Variants in ZDHHC17 observed in about 807,000 individuals in gnomAD.
The protein encoded by ZDHHC17 is palmitoyltransferase ZDHHC17.
Under a neutral mutation model 90.3 loss-of-function variants are expected in ZDHHC17, and 40 were observed. The ratio of observed to expected loss-of-function variants is 0.44; its 90% CI spans 0.34 to 0.58. The LOEUF is 0.58. Among genes scored for constraint, ZDHHC17 ranks in the 20% least tolerant of loss-of-function variants. The pLI is 0.01. For missense variants in ZDHHC17, 614 were observed against 780.8 expected (o/e 0.79, Z 2.55); for synonymous variants, 235 against 252.4 (o/e 0.93, Z 0.65).
chr12:76,796,923 A>C (rs1278925982), intron 1 of ZDHHC17, among the ~76,000 whole-genome samples: 1 of 152,192 alleles, frequency 6.6e-6, no homozygotes, highest in Non-Finnish European at 1.5e-5. Context: ...TTTTAGCTTG[A>C]GAATGTGTAA....
At chr12:76,824,044 T>C (rs999179120) in intron 8 of ZDHHC17, among the ~76,000 whole-genome samples, 1 of 152,258 alleles carries the variant, frequency 6.6e-6, no homozygotes, top group Non-Finnish European at 1.5e-5. Context: ...ATTGGCACTT[T>C]CGTTTTGTTG....
chr12:76,781,467 T>A (rs1283471071), intron 1 of ZDHHC17, among the ~76,000 whole-genome samples: 1 of 152,220 alleles, frequency 6.6e-6, no homozygotes, highest in Non-Finnish European at 1.5e-5. Flanking sequence ...GAGAGGTGAT[T>A]AGGCTAAGAG....
intron 5 of ZDHHC17, among the ~76,000 whole-genome samples, chr12:76,812,114 T>C (rs904229749): frequency 2.6e-5 from 4 of 152,154 alleles, no homozygotes; most frequent in African/African-American, 9.7e-5. Context: ...CAAACACTTC[T>C]GGTCCCAAGC....
chr12:76,789,845 T>C (rs1047900731), intron 1 of ZDHHC17, among the ~76,000 whole-genome samples: 7 of 152,150 alleles, frequency 4.6e-5, no homozygotes. Flanking sequence ...TTCTCAAAAC[T>C]GTCAAGGTCA....
intron 8 of ZDHHC17, among the ~76,000 whole-genome samples, chr12:76,823,765 TC>T (rs1328175773): frequency 6.6e-6 from 1 of 152,162 alleles, no homozygotes; most frequent in African/African-American, 2.4e-5. Flanking sequence ...AGTTGAAAAG[TC>T]CCCTGGTCCG....
intron 10 of ZDHHC17, among the ~76,000 whole-genome samples, chr12:76,834,715 A>G (rs1314821698): frequency 6.6e-6 from 1 of 152,184 alleles, no homozygotes; most frequent in Admixed American, 6.5e-5. Context: ...AATCATGTGC[A>G]TTTGACTACT....
intron 12 of ZDHHC17, 43 bp from the exon 13 acceptor site, chr12:76,845,666 T>A: frequency 3.4e-6 from 3 of 873,882 alleles, no homozygotes; most frequent in Middle Eastern, 2.3e-4. Context: ...TTTTCTCTCT[T>A]AGTATAATGC....
At chr12:76,800,706 A>T (rs944656903) in intron 2 of ZDHHC17, among the ~76,000 whole-genome samples, 3 of 151,844 alleles carry the variant, frequency 2.0e-5, no homozygotes, top group African/African-American at 7.3e-5. Context: ...TTCTTTTTTC[A>T]TCCTTTAATT....
chr12:76,788,120 T>C (rs1400583002), intron 1 of ZDHHC17, among the ~76,000 whole-genome samples: 1 of 152,172 alleles, frequency 6.6e-6, no homozygotes, highest in Non-Finnish European at 1.5e-5. Context: ...TACACATACA[T>C]TGTGGGTGGG....
chr12:76,767,253 C>A lies in ZDHHC17; in HGVS notation c.93+2924C>A, dbSNP rs186644450. On this transcript the variant is annotated intron_variant, in intron 1 of 16. Coordinates refer to ENST00000426126, the MANE Select transcript of ZDHHC17 (RefSeq NM_015336.4). ...TTTAATTTAGTGGAATAGGATCTTG[C>A]AGGAACAAATTTCATTTCACTTTTT... Among the ~76,000 whole-genome samples the A allele has an allele frequency of 3.7e-3, 557 of 152,242 alleles. 4 individuals carry two copies. The highest frequency in any genetic ancestry group is 0.012 in the African/African-American group (508 of 41,534).
intron 7 of ZDHHC17, among the ~76,000 whole-genome samples, chr12:76,820,450 TA>T (rs146433934): frequency 1.1e-3 from 161 of 152,320 alleles, no homozygotes; most frequent in Middle Eastern, 0.01. Context: ...GTTATACTGA[TA>T]AATTTAGATG....
Position 76,788,559 on chromosome 12 carries a change from A to G in ZDHHC17, c.94-8875A>G, listed in dbSNP as rs540831337. On this transcript the variant is annotated intron_variant, in intron 1 of 16. Coordinates refer to ENST00000426126, the MANE Select transcript of ZDHHC17 (RefSeq NM_015336.4). ...CAGTATGAAAAAGATTAATCTATAT[A>G]TAAAAGTGTAATACAAATATATTAA... is the stretch of plus-strand genomic sequence containing the variant. Among the ~76,000 whole-genome samples, 23 of 152,292 alleles carry G rather than the reference A, an allele frequency of 1.5e-4. No individual in the cohort carries two copies. The South Asian group carries it at 4.8e-3, about 32-fold the overall frequency.
At chr12:76,828,511 TC>T (rs911845383) in intron 10 of ZDHHC17, 21 bp downstream of exon 10, 1 of 1,606,400 alleles carries the variant, frequency 6.2e-7, no homozygotes, top group African/African-American at 1.3e-5. Flanking sequence ...GTTATAAAGA[TC>T]ATACCAAAAA....
chr12:76,819,901 G>A (rs1953140771), intron 7 of ZDHHC17, among the ~76,000 whole-genome samples: 1 of 151,394 alleles, frequency 6.6e-6, no homozygotes, highest in African/African-American at 2.4e-5. Flanking sequence ...GCTGAGGCAG[G>A]AGAATTGCTT....
At chr12:76,792,594 A>G (rs995858151) in intron 1 of ZDHHC17, among the ~76,000 whole-genome samples, 4 of 152,024 alleles carry the variant, frequency 2.6e-5, no homozygotes, top group African/African-American at 9.7e-5. Flanking sequence ...TCTGCTACCT[A>G]TAGTAGCAGA....
At chr12:76,781,595 C>G (rs1565763538) in intron 1 of ZDHHC17, 3 of 455,892 alleles carry the variant, frequency 6.6e-6, no homozygotes, top group East Asian at 7.0e-5. Context: ...GCTGTCTTGC[C>G]CTTGCACCTT....
intron 1 of ZDHHC17, among the ~76,000 whole-genome samples, chr12:76,772,843 C>T (rs1374831853): frequency 6.6e-6 from 1 of 151,822 alleles, no homozygotes; most frequent in African/African-American, 2.4e-5. Flanking sequence ...CCGCGCCCGG[C>T]CTTAACGCTT....
chr12:76,848,641 A>G (rs1732736918), intron 15 of ZDHHC17, among the ~76,000 whole-genome samples: 1 of 152,188 alleles, frequency 6.6e-6, no homozygotes, highest in Non-Finnish European at 1.5e-5. Flanking sequence ...CCAGTTGAGT[A>G]TGTGTGAGCT....
At chr12:76,836,679 A>G (rs537834375) in intron 10 of ZDHHC17, among the ~76,000 whole-genome samples, 2 of 152,326 alleles carry the variant, frequency 1.3e-5, no homozygotes, top group East Asian at 3.9e-4. Context: ...CATTCCATAC[A>G]GAAGATTAAG....
Sources: allele counts gnomAD v4.1 joint callset (sites outside exome capture counted in the v4.1 genomes callset), GRCh38; gene constraint gnomAD v4.1.1; transcripts MANE v1.5; gene names NCBI Gene and HGNC (gene_info 2026-07-23, HGNC 2026-07-21).